The following LINGO1 variants were observed in gnomAD, a reference collection of about 807,000 sequenced individuals.
LINGO1 encodes the protein leucine-rich repeat and immunoglobulin-like domain-containing nogo receptor-interacting protein 1.
In LINGO1, 11 loss-of-function variants were observed where a neutral mutation model predicts 37.3. The ratio of observed to expected loss-of-function variants is 0.29; its 90% CI spans 0.19 to 0.49. LINGO1 has a LOEUF of 0.49. Among genes scored for constraint, LINGO1 ranks in the 20% least tolerant of loss-of-function variants. LINGO1 has a pLI of 0.99. For missense variants in LINGO1, 585 were observed against 878.2 expected (o/e 0.67, Z 4.22); for synonymous variants, 387 against 403.0 (o/e 0.96, Z 0.48).
Position 77,692,923 on chromosome 15 carries a change from C to T in LINGO1, c.-280-2022G>A, listed in dbSNP as rs769191484. On this transcript the variant is annotated intron_variant, in intron 1 of 3. Coordinates refer to the LINGO1 transcript ENST00000559893. ...GTGAAAGACTTCACCAGAGGTCACA[C>T]TGCTACTGAACACGAAACGCCTGTG... is the stretch of plus-strand genomic sequence containing the variant. 7.9e-5 allele frequency among the ~76,000 whole-genome samples: 12 copies of T among 152,372 alleles called. No homozygotes were observed. In the Middle Eastern group the frequency reaches 0.01, roughly 130 times the overall value.
chr15:77,623,072 A>C (rs7162494), intron 1 of LINGO1, among the ~76,000 whole-genome samples: 126,586 of 152,204 alleles, frequency 0.83, 53,082 homozygotes, highest in African/African-American at 0.94. Flanking sequence ...ACGCACCCAC[A>C]TCAAAGGAAC....
intron 1 of LINGO1, among the ~76,000 whole-genome samples, chr15:77,622,484 G>GGGGA (rs1359520125): frequency 6.6e-6 from 1 of 152,182 alleles, no homozygotes; most frequent in Non-Finnish European, 1.5e-5. Context: ...ATATCTAGCT[G>GGGGA]GGGAGGGAGA....
intron 2 of LINGO1, among the ~76,000 whole-genome samples, chr15:77,679,442 G>A (rs1329127278): frequency 2.6e-5 from 4 of 152,176 alleles, no homozygotes; most frequent in African/African-American, 7.2e-5. Flanking sequence ...TGGTGATGAC[G>A]GTTGTGGAGG....
intron 2 of LINGO1, among the ~76,000 whole-genome samples, chr15:77,724,662 G>A (rs1290141311): frequency 6.6e-6 from 1 of 152,208 alleles, no homozygotes; most frequent in Non-Finnish European, 1.5e-5. Context: ...GGTGAGGAAT[G>A]GATGAGGGGG....
chr15:77,765,350 G>A (rs911796829), intron 1 of LINGO1, among the ~76,000 whole-genome samples: 17 of 151,396 alleles, frequency 1.1e-4, no homozygotes, highest in Non-Finnish European at 2.1e-4. Context: ...AGGAGGTCGA[G>A]ACTGCAATGA....
chr15:77,664,673 C>T (rs1254618805), intron 3 of LINGO1, among the ~76,000 whole-genome samples: 1 of 152,188 alleles, frequency 6.6e-6, no homozygotes, highest in Non-Finnish European at 1.5e-5. Context: ...CTACTTCTAT[C>T]CACCAGGAGC....
chr15:77,759,690 G>C (rs142856096), intron 1 of LINGO1, among the ~76,000 whole-genome samples: 14 of 152,366 alleles, frequency 9.2e-5, no homozygotes, highest in African/African-American at 3.4e-4. Flanking sequence ...ACATTAGACA[G>C]TGACGCACTG....
intron 1 of LINGO1, among the ~76,000 whole-genome samples, chr15:77,742,982 C>A (rs893255956): frequency 6.6e-6 from 1 of 152,226 alleles, no homozygotes; most frequent in Admixed American, 6.5e-5. Context: ...ATGGACAGAA[C>A]CCACGGTGGT....
chr15:77,668,930 C>T (rs1378265029), intron 3 of LINGO1, among the ~76,000 whole-genome samples: 1 of 152,200 alleles, frequency 6.6e-6, no homozygotes, highest in Non-Finnish European at 1.5e-5. Context: ...GGTCTTCAGA[C>T]ACATGTGGCC....
chr15:77,630,984 G>C (rs1056570809), intron 1 of LINGO1, among the ~76,000 whole-genome samples: 42 of 152,224 alleles, frequency 2.8e-4, no homozygotes, highest in Admixed American at 9.2e-4. Context: ...TCCCAGAGGC[G>C]TGAGGATTTT....
chr15:77,700,539 A>G (rs999255460), upstream of LINGO1, among the ~76,000 whole-genome samples: 7 of 151,844 alleles, frequency 4.6e-5, no homozygotes, highest in South Asian at 8.3e-4. Flanking sequence ...GCCAAACCTG[A>G]CCCTCCTAAC....
Position 77,615,125 on chromosome 15 carries a change from T to C in LINGO1, c.782A>G (p.Tyr261Cys). The C allele has an allele frequency of 1.9e-6, 3 of 1,613,956 alleles. No homozygotes were observed. The highest frequency in any genetic ancestry group is 2.5e-6 in the Non-Finnish European group (3 of 1,179,864). Residue 261 changes from tyrosine to cysteine, a missense_variant, in exon 2 of 2, where the codon TAC (tyrosine) becomes TGC (cysteine). Transcript: ENST00000355300. ...GGACAGGGACGTCAGGTTGAGGCCGTAGAGGCAGTTGGGTGTCATGGTGTC... is the reference window on the plus strand; with the variant it reads ...GGACAGGGACGTCAGGTTGAGGCCGCAGAGGCAGTTGGGTGTCATGGTGTC... ...YLDTMTPNCL[Y>C]GLNLTSLSIT...
intron 1 of LINGO1, among the ~76,000 whole-genome samples, chr15:77,779,825 C>T (rs1429531569): frequency 6.6e-6 from 1 of 152,168 alleles, no homozygotes; most frequent in African/African-American, 2.4e-5. Context: ...CCTCCCAGAT[C>T]CTAAAACAGT....
Position 77,627,090 on chromosome 15 carries a change from T to C in LINGO1, c.6+5220A>G, listed in dbSNP as rs1028155840. 2.8e-4 allele frequency among the ~76,000 whole-genome samples: 42 copies of C among 151,666 alleles called. No individual in the cohort carries two copies. The Middle Eastern group carries it at 0.01, about 37-fold the overall frequency. ...AGAGGAGGTGGCAGAGAGAGATTAA[T>C]TCCCTGAAAGGGGAAAAAATAGAAA... On this transcript the variant is annotated intron_variant, in intron 1 of 1. Coordinates refer to ENST00000355300, the MANE Select transcript of LINGO1 (RefSeq NM_032808.7).
exon 2 of LINGO1, chr15:77,690,806 G>A (rs1444446132): frequency 1.3e-5 from 2 of 152,360 alleles, no homozygotes; most frequent in African/African-American, 4.8e-5. Flanking sequence ...TTGGGAGCTG[G>A]TCCAGGAGCT....
chr15:77,759,557 T>G (rs1167551743), intron 1 of LINGO1, among the ~76,000 whole-genome samples: 22 of 152,244 alleles, frequency 1.4e-4, no homozygotes, highest in Admixed American at 1.4e-3. Flanking sequence ...CCAGGACCAG[T>G]GCCCAGCACA....
rs112174297 is a variant in LINGO1, at chr15:77,643,331, G to A, written c.-12-27431C>T. On this transcript the variant is annotated intron_variant, in intron 3 of 3. Coordinates refer to the LINGO1 transcript ENST00000559893. ...GATCAGGGGAGACCCAGGGCCCTGG[G>A]GCAGGACTGGGGACAGAGGCAAACC... Among the ~76,000 whole-genome samples the A allele has an allele frequency of 4.9e-3, 744 of 152,312 alleles. 9 individuals carry two copies. The highest frequency in any genetic ancestry group is 0.017 in the African/African-American group (691 of 41,562).
In LINGO1 at chr15:77,621,058, C is replaced by CTTTTTT. The variant is rs72415268; in HGVS notation, c.7-5164_7-5159dup. Among the ~76,000 whole-genome samples the CTTTTTT allele has an allele frequency of 1.7e-3, 257 of 148,480 alleles. 1 individual carries two copies. Among genetic ancestry groups the CTTTTTT allele is most frequent in the South Asian group, 2.8e-3 (13 of 4,646 alleles). ...CCCTGCTATGGGCCAGGTTTGGGGC[C>CTTTTTT]TTTTTTTTTTCTTTTAGATGGAGTC... On this transcript the variant is annotated intron_variant, in intron 1 of 1. Transcript: ENST00000355300.
intron 1 of LINGO1, among the ~76,000 whole-genome samples, chr15:77,692,382 A>C (rs1295290077): frequency 2.0e-5 from 3 of 152,186 alleles, no homozygotes; most frequent in Admixed American, 6.5e-5. Context: ...GCAGGGAGGG[A>C]GTGGCTGTTG....
Sources: allele counts gnomAD v4.1 joint callset (sites outside exome capture counted in the v4.1 genomes callset), GRCh38; gene constraint gnomAD v4.1.1; transcripts MANE v1.5; gene names NCBI Gene and HGNC (gene_info 2026-07-23, HGNC 2026-07-21).